Variants in NSD3 observed in about 807,000 individuals in gnomAD.
NSD3 encodes histone-lysine N-methyltransferase NSD3.
In NSD3, 24 loss-of-function variants were observed where a neutral mutation model predicts 160.8. That is an observed-to-expected ratio of 0.15 (90% CI 0.11 to 0.21). NSD3 has a LOEUF of 0.21. Ranked by LOEUF, NSD3 falls within the 10% of genes least tolerant of loss-of-function variation. The probability of loss-of-function intolerance (pLI) is 1.00; values close to 1 mark genes in which losing one functional copy is unlikely to be tolerated. For synonymous variants in NSD3, 520 were observed against 600.0 expected (o/e 0.87, Z 1.95); for missense variants, 1,157 against 1,735.9 (o/e 0.67, Z 5.93).
Position 38,317,028 on chromosome 8 carries a change from A to G in NSD3, c.1856-986T>C. ...ATTTTTTCCCCCAAAATTTCCATACAACAAACAGACATCTAGATCAACCCA... is the reference window on the plus strand; with the variant it reads ...ATTTTTTCCCCCAAAATTTCCATACGACAAACAGACATCTAGATCAACCCA... On this transcript the variant is annotated intron_variant, in intron 9 of 23. Transcript: ENST00000317025. The surrounding 1 kb of genome is among the most constrained non-coding windows in gnomAD (Gnocchi z 5.3). 2 of 1,059,756 alleles carry G rather than the reference A, an allele frequency of 1.9e-6. No homozygotes were observed. The highest frequency in any genetic ancestry group is 2.3e-6 in the Non-Finnish European group (2 of 875,902). 65.6% of individuals were successfully genotyped at this position (1,059,756 alleles called of 1,614,324 possible).
intron 2 of NSD3, among the ~76,000 whole-genome samples, chr8:38,346,696 G>T (rs1810546954): frequency 6.6e-6 from 1 of 152,090 alleles, no homozygotes; most frequent in South Asian, 2.1e-4. Flanking sequence ...TGAGTTGTAT[G>T]AAGTAATAGA....
chr8:38,277,735 A>T (rs1808633443), intron 22 of NSD3, among the ~76,000 whole-genome samples: 1 of 152,184 alleles, frequency 6.6e-6, no homozygotes, highest in South Asian at 2.1e-4. Flanking sequence ...GGTTTTTAAA[A>T]AGTTTTAAAT....
At position 38,318,833 on chromosome 8, in the gene NSD3, A is replaced by C; in HGVS notation, c.1855+62T>G. On this transcript the variant is annotated intron_variant, in intron 9 of 23. Coordinates refer to ENST00000317025, the MANE Select transcript of NSD3 (RefSeq NM_023034.2). The surrounding 1 kb of genome is among the most constrained non-coding windows in gnomAD (Gnocchi z 5.3). ...ACAGACAAAAATACATGAAGTACAA[A>C]TAATTCTTAAAAATTGGTTTTAATC... The C allele has an allele frequency of 6.7e-7, 1 of 1,496,170 alleles. No individual in the cohort carries two copies. Among genetic ancestry groups the C allele is most frequent in the Non-Finnish European group, 9.2e-7 (1 of 1,083,416 alleles). 92.7% of individuals were successfully genotyped at this position (1,496,170 alleles called of 1,614,324 possible).
chr8:38,355,744 T>G (rs1221617176), intron 1 of NSD3, among the ~76,000 whole-genome samples: 2 of 152,244 alleles, frequency 1.3e-5, no homozygotes, highest in Non-Finnish European at 2.9e-5. Flanking sequence ...TTCAATTTAT[T>G]TTTAAAGCAA....
At position 38,286,812 on chromosome 8, in the gene NSD3, C is replaced by T. The variant is rs765378004; in HGVS notation, c.3501+1675G>A. On this transcript the variant is annotated intron_variant, in intron 19 of 23. Coordinates refer to ENST00000317025, the MANE Select transcript of NSD3 (RefSeq NM_023034.2). The stretch of plus-strand genomic sequence containing the variant: ...CACTGCAGCCTTTACAGCTGCCTGC[C>T]TCCAGTCTGACGTGCTCTTCTCCTG... 2.6e-5 allele frequency among the ~76,000 whole-genome samples: 4 copies of T among 152,180 alleles called. No individual in the cohort carries two copies. The South Asian group carries it at 6.2e-4, about 24-fold the overall frequency.
Position 38,316,508 on chromosome 8 carries a change from A to C in NSD3, c.1856-466T>G. On this transcript the variant is annotated intron_variant, in intron 9 of 23. Coordinates refer to ENST00000317025, the MANE Select transcript of NSD3 (RefSeq NM_023034.2). The surrounding 1 kb of genome is among the most constrained non-coding windows in gnomAD (Gnocchi z 4.5). ...ATTTGTATTCGATTCGTACACGGAT[A>C]GTGCCATTTTCCCCCAAATTTTGCA... is the stretch of plus-strand genomic sequence containing the variant. 9.6e-7 allele frequency: 1 copy of C among 1,046,842 alleles called. No homozygotes were observed. The highest frequency in any genetic ancestry group is 1.2e-6 in the Non-Finnish European group (1 of 867,440). 64.8% of individuals were successfully genotyped at this position (1,046,842 alleles called of 1,614,324 possible).
intron 14 of NSD3, chr8:38,299,882 G>A: frequency 4.0e-6 from 1 of 251,516 alleles, no homozygotes. Context: ...AAACCCCTTA[G>A]GGAAAACAAA....
chr8:38,298,353 G>A, intron 15 of NSD3, among the ~76,000 whole-genome samples: 1 of 152,120 alleles, frequency 6.6e-6, no homozygotes, highest in East Asian at 1.9e-4. Flanking sequence ...TCTGACTGCA[G>A]AAAACAGACA....
At position 38,276,155 on chromosome 8, in the gene NSD3, GGAAA is replaced by G. The variant is rs1477462900; in HGVS notation, c.4072+137_4072+140del. 3 of 989,366 alleles carry G rather than the reference GGAAA, an allele frequency of 3.0e-6. No individual in the cohort carries two copies. The African/African-American group carries it at 4.9e-5, about 16-fold the overall frequency. The allele number at this position is 989,366 out of a possible 1,614,324, so 61.3% of individuals were successfully genotyped here. A position where few individuals can be genotyped will look rare whatever the true frequency, so the allele number is the denominator to read the frequency against. On this transcript the variant is annotated intron_variant, in intron 23 of 23. Coordinates refer to ENST00000317025, the MANE Select transcript of NSD3 (RefSeq NM_023034.2). ...CACAAGGTATCCCAAATGTGTAAGG[GGAAA>G]GATTTTTGCCAGCGTAATTTTTCGC...
chr8:38,352,082 T>C (rs1810716882), intron 1 of NSD3, among the ~76,000 whole-genome samples: 4 of 151,704 alleles, frequency 2.6e-5, no homozygotes, highest in Admixed American at 2.6e-4. Flanking sequence ...AACAGAATCA[T>C]TAACAATGCC....
At position 38,329,923 on chromosome 8, in the gene NSD3, G is replaced by T; in HGVS notation, c.1066-30C>A. On this transcript the variant is annotated intron_variant, in intron 5 of 23. Coordinates refer to ENST00000317025, the MANE Select transcript of NSD3 (RefSeq NM_023034.2). This position sits in a 1 kb window ranked among gnomAD's most constrained non-coding sequence, Gnocchi z 4.8. ...AAAAAAGATAGAGATTATCAGACAT[G>T]CTTTACTCTAATAGGTACATTAAAA... 6.5e-7 allele frequency: 1 copy of T among 1,535,274 alleles called. No homozygotes were observed.
chr8:38,358,419 T>C (rs1810877014), intron 1 of NSD3, among the ~76,000 whole-genome samples: 1 of 152,220 alleles, frequency 6.6e-6, no homozygotes, highest in Admixed American at 6.5e-5. Flanking sequence ...AGGTTTATGA[T>C]AAATCCACAC....
chr8:38,297,809 T>C (rs1809189913), intron 15 of NSD3, among the ~76,000 whole-genome samples: 1 of 152,054 alleles, frequency 6.6e-6, no homozygotes, highest in Non-Finnish European at 1.5e-5. Flanking sequence ...TAAAGTAAAA[T>C]GAGATTATTC....
At chr8:38,377,351 G>T (rs1019021672) in intron 1 of NSD3, among the ~76,000 whole-genome samples, 8 of 151,834 alleles carry the variant, frequency 5.3e-5, no homozygotes, top group Non-Finnish European at 7.4e-5. Flanking sequence ...ACCATGCCTG[G>T]CCTTGTTTTG....
chr8:38,358,495 T>C (rs1348159442), intron 1 of NSD3, among the ~76,000 whole-genome samples: 2 of 152,174 alleles, frequency 1.3e-5, no homozygotes, highest in African/African-American at 4.8e-5. Flanking sequence ...GAACCAGCTA[T>C]GCTGGTTCTT....
At chr8:38,294,154 A>G (rs1809077049) in intron 16 of NSD3, among the ~76,000 whole-genome samples, 1 of 152,130 alleles carries the variant, frequency 6.6e-6, no homozygotes, top group African/African-American at 2.4e-5. Context: ...CAGTGGCACA[A>G]TCATGGCTCA....
intron 19 of NSD3, among the ~76,000 whole-genome samples, chr8:38,284,847 T>C (rs970246460): frequency 6.6e-6 from 1 of 152,252 alleles, no homozygotes; most frequent in Non-Finnish European, 1.5e-5. Flanking sequence ...GGTTTATACT[T>C]GTTAGTCTAT....
Position 38,338,585 on chromosome 8 carries a change from G to A in NSD3, c.698C>T (p.Thr233Ile). 3 of 1,613,870 alleles carry A rather than the reference G, an allele frequency of 1.9e-6. No individual in the cohort carries two copies. The highest frequency in any genetic ancestry group is 2.5e-6 in the Non-Finnish European group (3 of 1,179,884). ...EQNRPNERVD[T>I]VSEKPREEPV... The stretch of plus-strand genomic sequence containing the variant: ...TTCTTCCCTTGGTTTTTCTGATACA[G>A]TGTCAACCCTCTCATTTGGTCTCTA... Residue 233 changes from threonine to isoleucine, a missense_variant, in exon 3 of 24, where the codon ACT (threonine) becomes ATT (isoleucine). By Grantham distance (89) the Thr-to-Ile change is moderately conservative. This residue lies in a region of NSD3 where 99 missense variants were observed against 151.8 expected (regional missense o/e 0.65). Transcript: ENST00000317025.
At chr8:38,350,370 T>C (rs552164103) in intron 1 of NSD3, among the ~76,000 whole-genome samples, 20 of 152,328 alleles carry the variant, frequency 1.3e-4, no homozygotes, top group East Asian at 1.9e-4. Context: ...TTTTTAATGA[T>C]TGTCATTCTA....
Sources: gnomAD v4.1 joint callset for allele counts (sites outside exome capture counted in the v4.1 genomes callset) on GRCh38, gnomAD v4.1.1 for gene constraint, gnomAD v4.1.1 regional missense constraint, Gnocchi (gnomAD v3.1) non-coding constraint, MANE v1.5 for transcripts, NCBI Gene and HGNC (gene_info 2026-07-23, HGNC 2026-07-21) for gene names.